Variants in PLCL2 observed in about 807,000 individuals in gnomAD.
The protein encoded by PLCL2 is phospholipase C like 2, also known as inactive phospholipase C-like protein 2.
A neutral mutation model predicts 79.6 loss-of-function variants in PLCL2; 4 were observed. The observed-to-expected ratio is 0.05, with a 90% CI of 0.02 to 0.11. PLCL2 has a LOEUF of 0.11. Ranked by LOEUF, PLCL2 falls within the 10% of genes least tolerant of loss-of-function variation. The pLI, the probability that PLCL2 is intolerant of heterozygous loss-of-function variation, is 1.00. For missense variants in PLCL2, 895 were observed against 1,291.0 expected, an observed-to-expected ratio of 0.69 and a Z score of 4.70; for synonymous variants, 484 against 457.7, an observed-to-expected ratio of 1.06 and a Z score of -0.73.
chr3:16,981,146 C>G (rs1322663729), intron 1 of PLCL2, among the ~76,000 whole-genome samples: 3 of 106,292 alleles, frequency 2.8e-5, no homozygotes, highest in African/African-American at 4.1e-5. Context: ...GAGAGGGAGA[C>G]TCGGGGGAGA....
At chr3:16,966,804 A>AT (rs986334849) in intron 1 of PLCL2, among the ~76,000 whole-genome samples, 20 of 151,668 alleles carry the variant, frequency 1.3e-4, no homozygotes, top group East Asian at 3.9e-4. Context: ...TTTGCAAATG[A>AT]TTTTTTTTAC....
Position 17,090,290 on chromosome 3 carries a change from T to C in PLCL2, c.*378T>C. ...TTATTATTTATTGGAGAAAAAAACCTGATCTACACATTTTTACTTATATGG... is the reference window on the plus strand; with the variant it reads ...TTATTATTTATTGGAGAAAAAAACCCGATCTACACATTTTTACTTATATGG... On this transcript the variant is annotated 3_prime_UTR_variant, in exon 6 of 6. Coordinates refer to ENST00000615277, the MANE Select transcript of PLCL2 (RefSeq NM_001144382.2). 1 of 941,162 alleles carries C rather than the reference T, an allele frequency of 1.1e-6. No homozygotes were observed. The highest frequency in any genetic ancestry group is 1.2e-6 in the Non-Finnish European group (1 of 802,618). 58.3% of individuals were successfully genotyped at this position (941,162 alleles called of 1,614,324 possible).
chr3:17,058,929 G>C (rs1367266797), intron 4 of PLCL2, among the ~76,000 whole-genome samples: 2 of 152,130 alleles, frequency 1.3e-5, no homozygotes, highest in East Asian at 3.9e-4. Flanking sequence ...AAGGATATCG[G>C]GGAAGCTGAT....
intron 1 of PLCL2, among the ~76,000 whole-genome samples, chr3:16,898,399 C>T (rs2124918596): frequency 6.6e-6 from 1 of 151,968 alleles, no homozygotes; most frequent in East Asian, 1.9e-4. Flanking sequence ...AGATCTTACC[C>T]ATCTTCATTG....
At chr3:17,024,380 G>A (rs1224500693) in intron 3 of PLCL2, among the ~76,000 whole-genome samples, 3 of 152,114 alleles carry the variant, frequency 2.0e-5, no homozygotes, top group African/African-American at 7.2e-5. Flanking sequence ...TCTAGCAATT[G>A]AATCTTTCCA....
chr3:17,067,936 G>A lies in PLCL2; in HGVS notation c.3095-20G>A, dbSNP rs1005294833. ...GATTGGATGGGAGTTAATATACTTT[G>A]TCTTTTTTATTTCTTTCAGCCATGG... On this transcript the variant is annotated intron_variant, in intron 4 of 5. Coordinates refer to ENST00000615277, the MANE Select transcript of PLCL2 (RefSeq NM_001144382.2). The A allele has an allele frequency of 7.0e-7, 1 of 1,423,392 alleles. No individual in the cohort carries two copies. The highest frequency in any genetic ancestry group is 9.9e-7 in the Non-Finnish European group (1 of 1,013,148). 88.2% of individuals were successfully genotyped at this position (1,423,392 alleles called of 1,614,324 possible).
intron 3 of PLCL2, among the ~76,000 whole-genome samples, chr3:17,016,910 GC>G (rs1418058358): frequency 2.0e-5 from 3 of 152,204 alleles, no homozygotes; most frequent in Non-Finnish European, 4.4e-5. Flanking sequence ...TTCATGGCGA[GC>G]TTTTTAACAG....
intron 1 of PLCL2, among the ~76,000 whole-genome samples, chr3:16,987,510 G>A (rs2064062986): frequency 1.3e-5 from 2 of 152,086 alleles, no homozygotes; most frequent in Admixed American, 1.3e-4. Context: ...TTACAACATT[G>A]TTGAATTACT....
At chr3:17,045,635 T>C (rs573986855) in intron 4 of PLCL2, among the ~76,000 whole-genome samples, 1 of 152,142 alleles carries the variant, frequency 6.6e-6, no homozygotes, top group Non-Finnish European at 1.5e-5. Context: ...AAGAAGAGAA[T>C]GCAGTGACAC....
At chr3:16,974,520 A>G (rs1264362715) in intron 1 of PLCL2, among the ~76,000 whole-genome samples, 1 of 152,226 alleles carries the variant, frequency 6.6e-6, no homozygotes, top group Admixed American at 6.5e-5. Flanking sequence ...ACCAAAGACC[A>G]GCTATGTCTA....
In PLCL2 at chr3:16,886,675, A is replaced by G. The variant is rs1171795098; in HGVS notation, c.327+1309A>G. On this transcript the variant is annotated intron_variant, in intron 1 of 5. Transcript: ENST00000615277. The surrounding 1 kb of genome is among the most constrained non-coding windows in gnomAD (Gnocchi z 4.2). Reference sequence around the variant, plus strand: ...CTACCTGCAGCACACACGTAGAGATAAACTAAGGAAAGTAAAGTGTCTTTT... The same window carrying G: ...CTACCTGCAGCACACACGTAGAGATGAACTAAGGAAAGTAAAGTGTCTTTT... 2.0e-5 allele frequency among the ~76,000 whole-genome samples: 3 copies of G among 152,256 alleles called. No homozygotes were observed. The highest frequency in any genetic ancestry group is 2.9e-5 in the Non-Finnish European group (2 of 68,046).
intron 4 of PLCL2, among the ~76,000 whole-genome samples, chr3:17,067,091 T>C (rs527442303): frequency 9.0e-4 from 137 of 152,294 alleles, no homozygotes; most frequent in Non-Finnish European, 1.5e-3. Context: ...ACACATGACC[T>C]AATTGTACAT....
At chr3:17,058,441 A>G (rs532227180) in intron 4 of PLCL2, among the ~76,000 whole-genome samples, 46 of 152,260 alleles carry the variant, frequency 3.0e-4, no homozygotes, top group African/African-American at 1.1e-3. Flanking sequence ...GTGGCATAGG[A>G]GGAGAGAAAG....
chr3:17,033,207 A>G (rs185880016), intron 3 of PLCL2, among the ~76,000 whole-genome samples: 1 of 152,286 alleles, frequency 6.6e-6, no homozygotes, highest in East Asian at 1.9e-4. Flanking sequence ...GAGAATAGCT[A>G]GCTTCCTACA....
chr3:17,016,188 A>G (rs574997282), intron 3 of PLCL2, among the ~76,000 whole-genome samples: 12 of 152,366 alleles, frequency 7.9e-5, no homozygotes, highest in African/African-American at 2.2e-4. Context: ...TCTAAAAACA[A>G]AGATTCTAGA....
At chr3:17,076,564 G>A (rs772323575) in intron 5 of PLCL2, among the ~76,000 whole-genome samples, 43 of 152,016 alleles carry the variant, frequency 2.8e-4, no homozygotes, top group Non-Finnish European at 4.9e-4. Flanking sequence ...GTGCAGTGGC[G>A]TGAACACTAC....
chr3:16,990,260 T>C (rs1257630926), intron 1 of PLCL2, among the ~76,000 whole-genome samples: 2 of 152,182 alleles, frequency 1.3e-5, no homozygotes, highest in Non-Finnish European at 1.5e-5. Context: ...AGTACTATTA[T>C]TGTAGTCCCT....
At chr3:16,894,540 A>T (rs904377028) in intron 1 of PLCL2, among the ~76,000 whole-genome samples, 1 of 152,212 alleles carries the variant, frequency 6.6e-6, no homozygotes, top group African/African-American at 2.4e-5. Flanking sequence ...GGTCCAGCCA[A>T]TTTACACACC....
At chr3:16,900,713 G>A (rs931414841) in intron 1 of PLCL2, among the ~76,000 whole-genome samples, 1 of 152,090 alleles carries the variant, frequency 6.6e-6, no homozygotes, top group South Asian at 2.1e-4. Context: ...CAATGCTCCC[G>A]TTCGGTGGAC....
Sources: allele counts gnomAD v4.1 joint callset (sites outside exome capture counted in the v4.1 genomes callset), GRCh38; gene constraint gnomAD v4.1.1; non-coding constraint Gnocchi (gnomAD v3.1); transcripts MANE v1.5; gene names NCBI Gene and HGNC (gene_info 2026-07-23, HGNC 2026-07-21).